The following MRPS15 variants were observed in gnomAD, a reference collection of about 807,000 sequenced individuals.
MRPS15 encodes mitochondrial ribosomal protein S15.
Under a neutral mutation model 30.7 loss-of-function variants are expected in MRPS15, and 25 were observed. The observed-to-expected ratio is 0.81, with a 90% confidence interval of 0.59 to 1.14. The LOEUF (loss-of-function observed/expected upper bound fraction) is 1.14. MRPS15 is among the 50% of genes most tolerant of loss of function. The pLI is 0.00. For synonymous variants in MRPS15, 124 were observed against 120.1 expected, an observed-to-expected ratio of 1.03 and a Z score of -0.21; for missense variants, 313 against 321.7, an observed-to-expected ratio of 0.97 and a Z score of 0.21.
At chr1:36,456,057 C>G in intron 7 of MRPS15, 130 bp downstream of exon 7, 1 of 1,480,436 alleles carries the variant, frequency 6.8e-7, no homozygotes, top group Non-Finnish European at 9.0e-7. Flanking sequence ...TGGCCTGTGA[C>G]CTCCCTGGAT....
chr1:36,461,406 A>G (rs1189422084), intron 3 of MRPS15, 94 bp from the exon 4 acceptor site: 2 of 1,204,390 alleles, frequency 1.7e-6, no homozygotes, highest in East Asian at 2.4e-5. Context: ...AAGATGATTG[A>G]AAAATTCCTT....
chr1:36,461,388 G>C (rs1207836588), intron 3 of MRPS15, 76 bp from the exon 4 acceptor site: 1 of 1,366,102 alleles, frequency 7.3e-7, no homozygotes, highest in East Asian at 2.3e-5. Flanking sequence ...ATTTTAGTTT[G>C]AAAAGCAAAG....
intron 1 of MRPS15, 87 bp downstream of exon 1, chr1:36,464,059 A>ATCTCCCCTACTCCTGTGCTTCCT (rs3831307): frequency 0.097 from 149,215 of 1,542,984 alleles, 8,336 homozygotes; most frequent in East Asian, 0.26. Context: ...ACCGCTGTAT[A>ATCTCCCCTACTCCTGTGCTTCCT]TCTCCCCTAC....
At chr1:36,461,958 TG>T in intron 3 of MRPS15, 129 bp downstream of exon 3, 2 of 708,020 alleles carry the variant, frequency 2.8e-6, no homozygotes, top group Non-Finnish European at 4.7e-6. Context: ...CCTGGACACC[TG>T]GGCCCCTGCC....
At chr1:36,461,382 T>C in intron 3 of MRPS15, 70 bp from the exon 4 acceptor site, 3 of 1,450,416 alleles carry the variant, frequency 2.1e-6, no homozygotes, top group South Asian at 2.3e-5. Context: ...GGTTTCATTT[T>C]AGTTTGAAAA....
intron 2 of MRPS15, 30 bp downstream of exon 2, chr1:36,463,776 C>T (rs778441656): frequency 3.7e-6 from 6 of 1,602,446 alleles, no homozygotes; most frequent in Non-Finnish European, 5.1e-6. Context: ...GTCTCTCTTC[C>T]GCCCCAAGTC....
In MRPS15 at chr1:36,460,667, C is replaced by G. The variant is rs764758702; in HGVS notation, c.385+25G>C. On this transcript the variant is annotated intron_variant, in intron 5 of 7. Transcript: ENST00000373116. ...CAGCTAGCAGGCTTCCCTACACCCC[C>G]ACTCCCCAAGGGTCCCCGACCAACT... 2.5e-6 allele frequency: 4 copies of G among 1,592,098 alleles called. No homozygotes were observed. The African/African-American group carries it at 4.0e-5, about 16-fold the overall frequency.
At chr1:36,461,672 A>G (rs1473206852) in intron 3 of MRPS15, among the ~76,000 whole-genome samples, 1 of 152,236 alleles carries the variant, frequency 6.6e-6, no homozygotes, top group Non-Finnish European at 1.5e-5. Context: ...GGAGCTGAGC[A>G]GAGGGCCTCT....
chr1:36,455,742 T>C lies in MRPS15; in HGVS notation c.*46A>G, dbSNP rs370558543. On this transcript the variant is annotated 3_prime_UTR_variant, in exon 8 of 8. Transcript: ENST00000373116. The stretch of plus-strand genomic sequence containing the variant: ...CTTCAGGCCAAAAAGAGCCCCATCA[T>C]CTCTCCTATCATTCTTCAAGACAGA... The C allele has an allele frequency of 5.7e-5, 91 of 1,596,882 alleles. No homozygotes were observed. The highest frequency in any genetic ancestry group is 7.5e-5 in the Non-Finnish European group (88 of 1,173,072).
chr1:36,459,394 C>T (rs1429428848), intron 5 of MRPS15: 10 of 118,448 alleles, frequency 8.4e-5, no homozygotes, highest in African/African-American at 2.8e-4. Flanking sequence ...GAGTGAGATC[C>T]GGTCTCAAAA....
intron 6 of MRPS15, 42 bp from the exon 7 acceptor site, chr1:36,456,420 A>T (rs141574770): frequency 3.5e-5 from 52 of 1,472,742 alleles, no homozygotes; most frequent in Non-Finnish European, 3.3e-5. Flanking sequence ...TATAAGTGTT[A>T]CTGTTGTTCA....
chr1:36,461,461 G>A (rs1311964036), intron 3 of MRPS15, 149 bp from the exon 4 acceptor site: 3 of 748,702 alleles, frequency 4.0e-6, no homozygotes, highest in Non-Finnish European at 6.7e-6. Flanking sequence ...CATTTCCCAG[G>A]GATTAAAAGT....
Position 36,464,247 on chromosome 1 carries a change from C to T in MRPS15, c.29G>A (p.Ser10Asn), listed in dbSNP as rs770961301. The T allele has an allele frequency of 1.9e-6, 3 of 1,614,036 alleles. No homozygotes were observed. The highest frequency in any genetic ancestry group is 2.5e-6 in the Non-Finnish European group (3 of 1,179,972). Reference sequence around the variant, plus strand: ...GGTAACTGCCCGGGTCCGAATCAAACTCAGCGTCCTCCACGCGACCCTCAG... The same window carrying T: ...GGTAACTGCCCGGGTCCGAATCAAATTCAGCGTCCTCCACGCGACCCTCAG... MLRVAWRTLSLIRTRAVTQV... is the reference protein window; with the variant it reads MLRVAWRTLNLIRTRAVTQV... The change falls in exon 1 of 8, where the codon AGT (serine) becomes AAT (asparagine). Residue 10 changes from serine (S) to asparagine (N), a missense_variant. Coordinates refer to ENST00000373116, the MANE Select transcript of MRPS15 (RefSeq NM_031280.4).
chr1:36,464,306 C>T lies in MRPS15; in HGVS notation c.-31G>A, dbSNP rs774462206. The T allele has an allele frequency of 2.0e-5, 32 of 1,588,792 alleles. No individual in the cohort carries two copies. Among genetic ancestry groups the T allele is most frequent in the Non-Finnish European group, 2.5e-5 (29 of 1,168,090 alleles). On this transcript the variant is annotated 5_prime_UTR_variant, in exon 1 of 8. Transcript: ENST00000373116. ...CCTCTAACCCCCGCGGGGCCCGCGC[C>T]GCGGCCGCCGTTCGCTTTGCGGCAC... is the stretch of plus-strand genomic sequence containing the variant.
intron 2 of MRPS15, among the ~76,000 whole-genome samples, chr1:36,463,421 TG>T (rs1004466467): frequency 7.2e-5 from 11 of 152,254 alleles, no homozygotes; most frequent in African/African-American, 2.4e-4. Context: ...GGAAGTACCT[TG>T]CCCCATATCA....
Position 36,463,862 on chromosome 1 carries a change from A to T in MRPS15, c.131-12T>A. On this transcript the variant is annotated splice_polypyrimidine_tract_variant and intron_variant, in intron 1 of 7. Transcript: ENST00000373116. ...CTGGAGGAGGAGACCTACGCAGAAA[A>T]GAGAGGGCTGAGGACCATCTCCTTA... is the stretch of plus-strand genomic sequence containing the variant. 2 of 1,611,212 alleles carry T rather than the reference A, an allele frequency of 1.2e-6. No homozygotes were observed. The highest frequency in any genetic ancestry group is 1.7e-6 in the Non-Finnish European group (2 of 1,178,534).
rs1180461774 is a variant in MRPS15, at chr1:36,456,279, A to C, written c.544T>G (p.Cys182Gly). 6.2e-7 allele frequency: 1 copy of C among 1,614,076 alleles called. No homozygotes were observed. The highest frequency in any genetic ancestry group is 8.5e-7 in the Non-Finnish European group (1 of 1,180,038). ...NTNYDVFEKI[C>G]WGLGIEYTFP... is the part of the protein sequence containing the mutation. ...GTGTACTCAATTCCCAGCCCCCAGC[A>C]TATCTTCTCAAAGACATCATAGTTG... is the stretch of plus-strand genomic sequence containing the variant. The change falls in exon 7 of 8, where the codon TGC becomes GGC. Residue 182 changes from cysteine (C) to glycine (G), a missense_variant. Cys to Gly is a radical substitution (Grantham distance 159). Transcript: ENST00000373116.
At chr1:36,463,871 T>C (rs771750535) in intron 1 of MRPS15, 21 bp from the exon 2 acceptor site, 23 of 1,606,938 alleles carry the variant, frequency 1.4e-5, no homozygotes, top group Non-Finnish European at 2.0e-5. Flanking sequence ...AAGAGAGGGC[T>C]GAGGACCATC....
chr1:36,457,037 G>C (rs983013324), intron 6 of MRPS15, among the ~76,000 whole-genome samples: 1 of 152,210 alleles, frequency 6.6e-6, no homozygotes, highest in Non-Finnish European at 1.5e-5. Context: ...AGCACTTTAG[G>C]AGGCCGAGGT....
Sources: allele counts gnomAD v4.1 joint callset (sites outside exome capture counted in the v4.1 genomes callset), GRCh38; gene constraint gnomAD v4.1.1; transcripts MANE v1.5; gene names NCBI Gene and HGNC (gene_info 2026-07-23, HGNC 2026-07-21).